Variants in ANKFY1 observed in about 807,000 individuals in gnomAD.
ANKFY1 encodes ankyrin repeat and FYVE domain-containing protein 1.
ANKFY1 carries 47 observed loss-of-function variants against 128.3 expected under a neutral mutation model. The observed-to-expected ratio is 0.37, with a 90% confidence interval of 0.29 to 0.47. ANKFY1 has a LOEUF of 0.47. Ranked by LOEUF, ANKFY1 falls within the 20% of genes least tolerant of loss-of-function variation. The pLI, the probability that ANKFY1 is intolerant of heterozygous loss-of-function variation, is 1.00. For synonymous variants in ANKFY1, 553 were observed against 601.6 expected (o/e 0.92, Z 1.18); for missense variants, 1,222 against 1,510.6 (o/e 0.81, Z 3.17).
rs1191645510 is a variant in ANKFY1, at chr17:4,181,760, C to T, written c.2122-388G>A. Among the ~76,000 whole-genome samples the T allele has an allele frequency of 6.6e-6, 1 of 152,210 alleles. No individual in the cohort carries two copies. The highest frequency in any genetic ancestry group is 1.5e-5 in the Non-Finnish European group (1 of 68,040). ...CTAGGTAAAACCTCCAGGTGCACAA[C>T]GCCTTCATATCACACTGCAGGCCCT... is the stretch of plus-strand genomic sequence containing the variant. On this transcript the variant is annotated intron_variant, in intron 15 of 24. Coordinates refer to ENST00000341657, the MANE Select transcript of ANKFY1 (RefSeq NM_001330063.2). This position sits in a 1 kb window ranked among gnomAD's most constrained non-coding sequence, Gnocchi z 4.9.
At chr17:4,227,903 C>T (rs1048051993) in intron 3 of ANKFY1, among the ~76,000 whole-genome samples, 1 of 152,118 alleles carries the variant, frequency 6.6e-6, no homozygotes, top group Non-Finnish European at 1.5e-5. Flanking sequence ...CTGGAGCTCT[C>T]ATATCCACGG....
rs34747890 is a variant in ANKFY1, at chr17:4,193,419, C to CTTT, written c.1372+1556_1372+1558dup. Among the ~76,000 whole-genome samples the CTTT allele has an allele frequency of 2.1e-4, 23 of 108,240 alleles. 2 individuals carry two copies. The highest frequency in any genetic ancestry group is 4.6e-4 in the African/African-American group (11 of 23,770). The allele number at this position is 108,240 out of a possible 152,430, so 71.0% of individuals were successfully genotyped here. A position where few individuals can be genotyped will look rare whatever the true frequency, so the allele number is the denominator to read the frequency against. The stretch of plus-strand genomic sequence containing the variant: ...TACAGGCATGAGCCACCAGTCGACT[C>CTTT]TTTTTTTTTTTTTTTTTTTTTTTTT... On this transcript the variant is annotated intron_variant, in intron 10 of 24. Coordinates refer to ENST00000341657, the MANE Select transcript of ANKFY1 (RefSeq NM_001330063.2).
intron 13 of ANKFY1, 127 bp downstream of exon 13, chr17:4,183,685 G>A: frequency 7.1e-7 from 1 of 1,411,342 alleles, no homozygotes; most frequent in Non-Finnish European, 9.7e-7. Flanking sequence ...AACTCAAACA[G>A]AAATGTTATT....
intron 16 of ANKFY1, among the ~76,000 whole-genome samples, chr17:4,180,760 CAAAAAAAAAA>C (rs11392631): frequency 6.9e-5 from 4 of 58,026 alleles, no homozygotes; most frequent in Admixed American, 3.9e-4. Flanking sequence ...GACTCTGTCT[CAAAAAAAAAA>C]AAAAAAAAAA....
At chr17:4,197,061 G>C (rs1341806926) in intron 8 of ANKFY1, among the ~76,000 whole-genome samples, 3 of 152,206 alleles carry the variant, frequency 2.0e-5, no homozygotes, top group Non-Finnish European at 4.4e-5. Context: ...AGAGGCTGCA[G>C]TGAGCCAAGA....
intron 6 of ANKFY1, 99 bp downstream of exon 6, chr17:4,207,832 CTG>C: frequency 3.3e-6 from 4 of 1,218,348 alleles, no homozygotes; most frequent in South Asian, 1.7e-5. Context: ...ACGTTAAAGA[CTG>C]TGCCAGTCAT....
intron 21 of ANKFY1, among the ~76,000 whole-genome samples, chr17:4,172,952 C>T (rs536274087): frequency 5.9e-5 from 9 of 152,216 alleles, no homozygotes; most frequent in Non-Finnish European, 1.2e-4. Flanking sequence ...CTCCGCCTCC[C>T]GGGTTCACGC....
At chr17:4,200,805 C>T (rs967411763) in intron 7 of ANKFY1, among the ~76,000 whole-genome samples, 11 of 152,148 alleles carry the variant, frequency 7.2e-5, no homozygotes, top group African/African-American at 1.7e-4. Context: ...AATCACAACT[C>T]GAGACGATGA....
At chr17:4,216,811 C>T (rs2060227295) in intron 4 of ANKFY1, 172 bp downstream of exon 4, 1 of 856,076 alleles carries the variant, frequency 1.2e-6, no homozygotes, top group African/African-American at 1.7e-5. Context: ...CAAAATTTAG[C>T]TACAAGATAA....
At position 4,170,848 on chromosome 17, in the gene ANKFY1, T is replaced by C. The variant is rs1158512644; in HGVS notation, c.3153A>G (p.Ala1051=). The part of the protein sequence containing the change: ...DADGSTVLLL[A]YMKGNANLCR... ...ACAAGTTGGCGTTCCCTTTCATGTA[T>C]GCCAGGAGCAGCACTGGAAAACAAA... The change falls in exon 23 of 25, where the codon GCA becomes GCG. Residue 1051 remains alanine (A), a synonymous_variant. Coordinates refer to ENST00000341657, the MANE Select transcript of ANKFY1 (RefSeq NM_001330063.2). 4 of 1,614,190 alleles carry C rather than the reference T, an allele frequency of 2.5e-6. No individual in the cohort carries two copies. Among genetic ancestry groups the C allele is most frequent in the East Asian group, 2.2e-5 (1 of 44,874 alleles).
Position 4,195,052 on chromosome 17 carries a change from G to A in ANKFY1, c.1298C>T (p.Ser433Leu), listed in dbSNP as rs200088130. Residue 433 changes from serine to leucine, a missense_variant, in exon 10 of 25, where the codon TCA (serine) becomes TTA (leucine). Ser to Leu is a moderately radical substitution (Grantham distance 145). Coordinates refer to ENST00000341657, the MANE Select transcript of ANKFY1 (RefSeq NM_001330063.2). ...FEDVPVVNGT[S>L]FDENSFAARL... ...GGCTGCAAAGCTGTTCTCATCAAATGAAGTCCCATTTACCACGGGGACATC... is the reference window on the plus strand; with the variant it reads ...GGCTGCAAAGCTGTTCTCATCAAATAAAGTCCCATTTACCACGGGGACATC... The A allele has an allele frequency of 9.3e-6, 15 of 1,614,204 alleles. No individual in the cohort carries two copies. The highest frequency in any genetic ancestry group is 6.7e-5 in the East Asian group (3 of 44,892).
intron 24 of ANKFY1, chr17:4,168,151 G>A: frequency 3.8e-6 from 1 of 266,650 alleles, no homozygotes; most frequent in Non-Finnish European, 6.7e-6. Flanking sequence ...TTTTTTTTTT[G>A]GAAGATCAAG....
chr17:4,212,118 A>G (rs992750122), intron 4 of ANKFY1, among the ~76,000 whole-genome samples: 3 of 152,206 alleles, frequency 2.0e-5, no homozygotes, highest in Non-Finnish European at 2.9e-5. Context: ...GCCAGGGAAC[A>G]GCCCTTCACC....
In ANKFY1 at chr17:4,223,679, G is replaced by A. The variant is rs1378804817; in HGVS notation, c.323-6561C>T. The A allele has an allele frequency of 7.5e-6, 12 of 1,601,824 alleles. No homozygotes were observed. In the Admixed American group the frequency reaches 2.0e-4, roughly 27 times the overall value. On this transcript the variant is annotated intron_variant, in intron 3 of 24. Transcript: ENST00000341657. The stretch of plus-strand genomic sequence containing the variant: ...CGAGATGGCCGCATACCTGAAAGAT[G>A]GTTACCGAATAGCCCAGCCAATCAA...
rs145632527 is a variant in ANKFY1 at position 4,168,378 on chromosome 17, G to C, written c.3378-467C>G. On this transcript the variant is annotated intron_variant, in intron 24 of 24. Coordinates refer to ENST00000341657, the MANE Select transcript of ANKFY1 (RefSeq NM_001330063.2). ...TGAGGAATAAGAATCGCTTGAACCCGCGAAGTGGAGATTGCAGTAAGCCGA... is the reference window on the plus strand; with the variant it reads ...TGAGGAATAAGAATCGCTTGAACCCCCGAAGTGGAGATTGCAGTAAGCCGA... 4.6e-3 allele frequency among the ~76,000 whole-genome samples: 703 copies of C among 152,248 alleles called. 3 individuals carry two copies. The highest frequency in any genetic ancestry group is 9.5e-3 in the Admixed American group (145 of 15,296).
intron 19 of ANKFY1, among the ~76,000 whole-genome samples, chr17:4,176,915 C>G (rs975393264): frequency 3.3e-5 from 5 of 152,158 alleles, no homozygotes; most frequent in African/African-American, 9.6e-5. Flanking sequence ...CTGGAAGGGC[C>G]CCATCTAGCA....
At chr17:4,217,824 C>T (rs759850707) in intron 3 of ANKFY1, among the ~76,000 whole-genome samples, 3 of 151,932 alleles carry the variant, frequency 2.0e-5, no homozygotes, top group Non-Finnish European at 4.4e-5. Context: ...TAGCTGGGAC[C>T]GCAGGTGCAT....
At position 4,167,674 on chromosome 17, in the gene ANKFY1, A is replaced by G; in HGVS notation, c.*105T>C. The G allele has an allele frequency of 3.4e-6, 4 of 1,187,922 alleles. No homozygotes were observed. Among genetic ancestry groups the G allele is most frequent in the Non-Finnish European group, 4.6e-6 (4 of 872,684 alleles). The allele number at this position is 1,187,922 out of a possible 1,614,324, so 73.6% of individuals were successfully genotyped here. On this transcript the variant is annotated 3_prime_UTR_variant, in exon 25 of 25. Coordinates refer to ENST00000341657, the MANE Select transcript of ANKFY1 (RefSeq NM_001330063.2). The surrounding 1 kb of genome is among the most constrained non-coding windows in gnomAD (Gnocchi z 4.1). ...CTTAATCGTTCCAGTCTATTGCCGCAGGAAGACACCCGCCAGCTCCTGCTC... is the reference window on the plus strand; with the variant it reads ...CTTAATCGTTCCAGTCTATTGCCGCGGGAAGACACCCGCCAGCTCCTGCTC...
intron 5 of ANKFY1, 86 bp downstream of exon 5, chr17:4,209,738 G>A: frequency 1.4e-6 from 2 of 1,453,554 alleles, no homozygotes; most frequent in Non-Finnish European, 1.9e-6. Context: ...GTGCCAGAGA[G>A]GTCACTTTCC....
Sources: allele counts gnomAD v4.1 joint callset (sites outside exome capture counted in the v4.1 genomes callset), GRCh38; gene constraint gnomAD v4.1.1; non-coding constraint Gnocchi (gnomAD v3.1); transcripts MANE v1.5; gene names NCBI Gene and HGNC (gene_info 2026-07-23, HGNC 2026-07-21).